The following CFAP69 variants were observed in gnomAD, a reference collection of about 807,000 sequenced individuals.
CFAP69 encodes the protein cilia- and flagella-associated protein 69.
CFAP69 carries 92 observed loss-of-function variants against 123.0 expected under a neutral mutation model. The observed-to-expected ratio is 0.75, with a 90% CI of 0.63 to 0.89. The LOEUF (loss-of-function observed/expected upper bound fraction) is 0.89, where lower values mean the gene tolerates loss of function less well. Ranked by LOEUF, CFAP69 falls within the 40% of genes least tolerant of loss-of-function variation. The pLI, the probability that CFAP69 is intolerant of heterozygous loss-of-function variation, is 0.00. For missense variants in CFAP69, 1,067 were observed against 1,096.9 expected, an observed-to-expected ratio of 0.97 and a Z score of 0.39; for synonymous variants, 380 against 364.3, an observed-to-expected ratio of 1.04 and a Z score of -0.49.
intron 17 of CFAP69, 181 bp from the exon 18 acceptor site, chr7:90,303,788 G>A: frequency 8.4e-7 from 1 of 1,183,496 alleles, no homozygotes; most frequent in Non-Finnish European, 1.0e-6. Flanking sequence ...TTGCCACAGA[G>A]TGGGGAAGAA....
At chr7:90,293,467 G>A (rs1791492636) in intron 15 of CFAP69, among the ~76,000 whole-genome samples, 1 of 151,982 alleles carries the variant, frequency 6.6e-6, no homozygotes, top group Admixed American at 6.6e-5. Flanking sequence ...TTTAATTTTA[G>A]CCAATGGCCA....
At chr7:90,315,699 CG>C (rs1794742274), downstream of CFAP69, among the ~76,000 whole-genome samples, 1 of 152,052 alleles carries the variant, frequency 6.6e-6, no homozygotes, top group Non-Finnish European at 1.5e-5. Flanking sequence ...AACAAACCCC[CG>C]TGAAATGAGT....
chr7:90,303,875 T>G, intron 17 of CFAP69, 94 bp from the exon 18 acceptor site: 1 of 1,342,588 alleles, frequency 7.4e-7, no homozygotes, highest in Middle Eastern at 2.5e-4. Flanking sequence ...TTTTATATAT[T>G]TTATGTTATC....
intron 6 of CFAP69, 51 bp from the exon 7 acceptor site, chr7:90,271,475 A>G: frequency 1.3e-6 from 2 of 1,523,448 alleles, no homozygotes; most frequent in South Asian, 1.2e-5. Flanking sequence ...TTTTGTCTTA[A>G]TGATCATTCT....
In CFAP69 at chr7:90,262,029, C is replaced by A. The variant is rs1268947981; in HGVS notation, c.329C>A (p.Ser110Tyr). Residue 110 changes from serine (S) to tyrosine (Y), a missense_variant, in exon 4 of 23, where the codon TCT (serine) becomes TAT (tyrosine). Transcript: ENST00000389297. Reference sequence around the variant, plus strand: ...AAAAACCAGCCTCGTTTTATAGAATCTGCATATGATATCATAAAACTGTGT... The same window carrying A: ...AAAAACCAGCCTCGTTTTATAGAATATGCATATGATATCATAAAACTGTGT... ...KIKNQPRFIE[S>Y]AYDIIKLCGL... 3 of 1,595,378 alleles carry A rather than the reference C, an allele frequency of 1.9e-6. No homozygotes were observed. The highest frequency in any genetic ancestry group is 2.6e-6 in the Non-Finnish European group (3 of 1,172,076).
At chr7:90,287,700 A>G (rs1039805256) in intron 14 of CFAP69, 2 of 985,592 alleles carry the variant, frequency 2.0e-6, no homozygotes, top group East Asian at 1.1e-4. Context: ...AAAAATAATC[A>G]TAATCTTGCT....
chr7:90,262,103 T>C (rs1366209795), intron 4 of CFAP69, 47 bp downstream of exon 4: 2 of 1,208,932 alleles, frequency 1.7e-6, no homozygotes, highest in South Asian at 1.4e-5. Flanking sequence ...ATGGAGTATT[T>C]TATTATGTTT....
chr7:90,312,002 T>C (rs1794382684), downstream of CFAP69, among the ~76,000 whole-genome samples: 2 of 152,236 alleles, frequency 1.3e-5, no homozygotes, highest in African/African-American at 4.8e-5. Context: ...ACACTTGAAT[T>C]GATGTGAAGT....
intron 21 of CFAP69, among the ~76,000 whole-genome samples, chr7:90,308,889 T>C (rs1315821104): frequency 6.6e-6 from 1 of 152,202 alleles, no homozygotes; most frequent in Non-Finnish European, 1.5e-5. Flanking sequence ...ACTTAATCAG[T>C]TGGTAATTTA....
chr7:90,249,984 CACTGTCAGTAAT>C (rs1323153182), intron 1 of CFAP69, among the ~76,000 whole-genome samples: 1 of 152,196 alleles, frequency 6.6e-6, no homozygotes, highest in Non-Finnish European at 1.5e-5. Flanking sequence ...CATATCCTGT[CACTGTCAGTAAT>C]ACTTCCATGA....
chr7:90,258,465 C>A (rs545081140), intron 3 of CFAP69, among the ~76,000 whole-genome samples: 3 of 152,126 alleles, frequency 2.0e-5, no homozygotes, highest in Admixed American at 6.5e-5. Flanking sequence ...CTCTTCCCCC[C>A]ACTGGCATCA....
At chr7:90,250,229 AGAGAGAC>A (rs1562832623) in intron 1 of CFAP69, among the ~76,000 whole-genome samples, 50 of 123,692 alleles carry the variant, frequency 4.0e-4, no homozygotes, top group Non-Finnish European at 5.5e-4. Flanking sequence ...AGAGAGAGAG[AGAGAGAC>A]TCCTTGGTTG....
chr7:90,256,585 A>G (rs561870860), intron 2 of CFAP69, among the ~76,000 whole-genome samples: 7 of 152,288 alleles, frequency 4.6e-5, no homozygotes, highest in African/African-American at 1.7e-4. Context: ...TCAAAAGAAA[A>G]CAATGTCCTA....
chr7:90,251,401 T>C (rs575586376), intron 1 of CFAP69, among the ~76,000 whole-genome samples: 83 of 152,250 alleles, frequency 5.5e-4, no homozygotes, highest in African/African-American at 1.8e-3. Context: ...GGTCTTAAGT[T>C]GGAAGCAGAG....
intron 15 of CFAP69, among the ~76,000 whole-genome samples, chr7:90,290,989 T>C (rs1443827724): frequency 6.6e-6 from 1 of 151,998 alleles, no homozygotes; most frequent in African/African-American, 2.4e-5. Flanking sequence ...GGCAGCAGCT[T>C]TAAACCTTGA....
intron 22 of CFAP69, among the ~76,000 whole-genome samples, chr7:90,309,809 C>A (rs1042462456): frequency 6.6e-6 from 1 of 152,118 alleles, no homozygotes; most frequent in Non-Finnish European, 1.5e-5. Context: ...CTTTTCCTGG[C>A]GAGTAGATCC....
At chr7:90,254,951 C>G (rs897462091) in intron 1 of CFAP69, among the ~76,000 whole-genome samples, 8 of 152,038 alleles carry the variant, frequency 5.3e-5, no homozygotes, top group African/African-American at 9.7e-5. Context: ...GATGTAAAAT[C>G]TGTAGAACTT....
intron 17 of CFAP69, 68 bp downstream of exon 17, chr7:90,300,127 T>C: frequency 7.6e-7 from 1 of 1,318,644 alleles, no homozygotes; most frequent in Non-Finnish European, 9.8e-7. Flanking sequence ...TTAAATGGTA[T>C]TAAGAAAGCA....
Position 90,297,828 on chromosome 7 carries a change from G to A in CFAP69, c.1855G>A (p.Ala619Thr). 1 of 1,568,416 alleles carries A rather than the reference G, an allele frequency of 6.4e-7. No individual in the cohort carries two copies. Among genetic ancestry groups the A allele is most frequent in the Non-Finnish European group, 8.6e-7 (1 of 1,162,382 alleles). The change falls in exon 16 of 23, where the codon GCA (alanine) becomes ACA (threonine). Residue 619 changes from alanine (A) to threonine (T), a missense_variant and splice_region_variant. Physicochemically the swap from Ala to Thr is moderately conservative, Grantham distance 58. Transcript: ENST00000389297. ...CATTTTTCTCCTTTTGGATTTGTTAGCAGTAAGTATGGCTATAACAATCAT... is the reference window on the plus strand; with the variant it reads ...CATTTTTCTCCTTTTGGATTTGTTAACAGTAAGTATGGCTATAACAATCAT... Reference protein sequence around the residue: ...EGIFLLLDLLALNQKKFCNLI... With the variant: ...EGIFLLLDLLTLNQKKFCNLI...
Sources: allele counts gnomAD v4.1 joint callset (sites outside exome capture counted in the v4.1 genomes callset), GRCh38; gene constraint gnomAD v4.1.1; transcripts MANE v1.5; gene names NCBI Gene and HGNC (gene_info 2026-07-23, HGNC 2026-07-21).